The following TRPM3 variants were observed in gnomAD, a reference collection of about 807,000 sequenced individuals.
TRPM3 encodes the protein long transient receptor potential channel 3.
TRPM3 carries 77 observed loss-of-function variants against 181.2 expected under a neutral mutation model. The ratio of observed to expected loss-of-function variants is 0.42; its 90% confidence interval spans 0.35 to 0.51. TRPM3 has a LOEUF of 0.51. Among genes scored for constraint, TRPM3 ranks in the 20% least tolerant of loss-of-function variants. TRPM3 has a pLI of 0.01. For synonymous variants in TRPM3, 745 were observed against 796.4 expected, an observed-to-expected ratio of 0.94 and a Z score of 1.09; for missense variants, 1,759 against 2,196.7, an observed-to-expected ratio of 0.80 and a Z score of 3.98.
At chr9:70,822,268 C>T (rs1208549295) in intron 6 of TRPM3, among the ~76,000 whole-genome samples, 1 of 152,146 alleles carries the variant, frequency 6.6e-6, no homozygotes, top group Non-Finnish European at 1.5e-5. Flanking sequence ...AGAGACTAGT[C>T]CTCAGTCCCT....
chr9:71,415,152 T>C (rs1157416416), intron 1 of TRPM3, among the ~76,000 whole-genome samples: 1 of 151,978 alleles, frequency 6.6e-6, no homozygotes. Flanking sequence ...AGTGGAGTGA[T>C]GCGGCTACAA....
chr9:71,259,873 G>T (rs1356009315), intron 1 of TRPM3, among the ~76,000 whole-genome samples: 1 of 152,088 alleles, frequency 6.6e-6, no homozygotes, highest in Non-Finnish European at 1.5e-5. Context: ...CTGTTGTGCA[G>T]AAGCTCTTTT....
At chr9:70,796,806 G>A (rs772693117) in intron 6 of TRPM3, among the ~76,000 whole-genome samples, 11 of 150,902 alleles carry the variant, frequency 7.3e-5, no homozygotes, top group Non-Finnish European at 1.3e-4. Context: ...TCTACATGTC[G>A]TAGTTGCTCT....
chr9:71,243,890 A>G (rs9785216), intron 1 of TRPM3, among the ~76,000 whole-genome samples: 36,552 of 150,460 alleles, frequency 0.24, 5,095 homozygotes, highest in African/African-American at 0.37. Flanking sequence ...CCCTTGTCAA[A>G]TATACCTCCA....
chr9:70,811,558 T>C (rs922981851), intron 6 of TRPM3, among the ~76,000 whole-genome samples: 2 of 152,228 alleles, frequency 1.3e-5, no homozygotes, highest in African/African-American at 2.4e-5. Context: ...TAAGTGCTTG[T>C]ACTGATGCTT....
Position 70,686,622 on chromosome 9 carries a change from A to C in TRPM3, c.1273-5044T>G, listed in dbSNP as rs1351439876. ...CCTCCCTCCCTCCCGCCCTTCCTGGAAACTCCTTCCTCCCTCACTCCCTCT... is the reference window on the plus strand; with the variant it reads ...CCTCCCTCCCTCCCGCCCTTCCTGGCAACTCCTTCCTCCCTCACTCCCTCT... On this transcript the variant is annotated intron_variant, in intron 8 of 25. Transcript: ENST00000677713. Among the ~76,000 whole-genome samples the C allele has an allele frequency of 8.4e-5, 5 of 59,404 alleles. 1 individual carries two copies. Among genetic ancestry groups the C allele is most frequent in the African/African-American group, 3.5e-4 (5 of 14,092 alleles). The allele number at this position is 59,404 out of a possible 152,430, so 39.0% of individuals were successfully genotyped here. A position where few individuals can be genotyped will look rare whatever the true frequency, so the allele number is the denominator to read the frequency against.
rs1041022452 is a variant in TRPM3, at chr9:70,531,980, T to C, written c.*3973A>G. The C allele has an allele frequency of 1.3e-5, 2 of 152,210 alleles. No homozygotes were observed. Among genetic ancestry groups the C allele is most frequent in the Non-Finnish European group, 2.9e-5 (2 of 68,028 alleles). 9.4% of individuals were successfully genotyped at this position (152,210 alleles called of 1,614,324 possible). A position where few individuals can be genotyped will look rare whatever the true frequency, so the allele number is the denominator to read the frequency against. On this transcript the variant is annotated 3_prime_UTR_variant, in exon 26 of 26. Transcript: ENST00000677713. The stretch of plus-strand genomic sequence containing the variant: ...AATCATTGCAACATGTGTTTCTTTA[T>C]TGAATGTTACAGATTTATAAATGAT...
intron 1 of TRPM3, among the ~76,000 whole-genome samples, chr9:70,914,137 A>G (rs1177332594): frequency 3.9e-5 from 6 of 152,214 alleles, no homozygotes; most frequent in Non-Finnish European, 8.8e-5. Context: ...TATTTAGGTC[A>G]TGAGAGCTCC....
chr9:71,284,037 T>G (rs537854850), intron 1 of TRPM3, among the ~76,000 whole-genome samples: 2 of 152,350 alleles, frequency 1.3e-5, no homozygotes, highest in South Asian at 4.1e-4. Context: ...TTCTGCCACT[T>G]GCTAGCTAAA....
chr9:70,821,102 T>G (rs2093128016), intron 6 of TRPM3, among the ~76,000 whole-genome samples: 1 of 151,354 alleles, frequency 6.6e-6, no homozygotes, highest in Non-Finnish European at 1.5e-5. Flanking sequence ...AATAGTGTAT[T>G]TCTTAATTTT....
intron 7 of TRPM3, among the ~76,000 whole-genome samples, chr9:70,770,267 A>G (rs1404060454): frequency 1.3e-5 from 2 of 152,156 alleles, no homozygotes; most frequent in Admixed American, 1.3e-4. Context: ...ATACTACCTC[A>G]TCCCTCCTTT....
At chr9:71,418,133 T>G (rs958842307) in intron 1 of TRPM3, among the ~76,000 whole-genome samples, 1 of 151,918 alleles carries the variant, frequency 6.6e-6, no homozygotes, top group Admixed American at 6.6e-5. Flanking sequence ...AGCAGCATGA[T>G]GAAACATAAT....
chr9:70,621,272 G>A lies in TRPM3; in HGVS notation c.1811C>T (p.Pro604Leu), dbSNP rs1418934607. Residue 604 changes from proline to leucine, a missense_variant and splice_region_variant, in exon 15 of 26, where the codon CCC becomes CTC. Pro to Leu is a moderately conservative substitution (Grantham distance 98). Around this residue, in one of 8 missense-constraint regions of TRPM3, gnomAD observed 737 missense variants for 957.4 expected, o/e 0.77. Transcript: ENST00000677713. Reference sequence around the variant, plus strand: ...CATTCCCAGCAGTTTCAAGGCTTTGGGCTGTTAAAAAAAACGTTGTGAACA... The same window carrying A: ...CATTCCCAGCAGTTTCAAGGCTTTGAGCTGTTAAAAAAAACGTTGTGAACA... ...LYHNLFGPKR[P>L]KALKLLGMED... The A allele has an allele frequency of 1.3e-6, 2 of 1,598,342 alleles. No homozygotes were observed. The highest frequency in any genetic ancestry group is 1.7e-5 in the Admixed American group (1 of 58,312).
At chr9:70,740,882 A>G (rs1439344791) in intron 8 of TRPM3, among the ~76,000 whole-genome samples, 1 of 152,168 alleles carries the variant, frequency 6.6e-6, no homozygotes. Context: ...CATCGGAAAA[A>G]CCCTTCTAGA....
chr9:71,332,730 A>G (rs1353634443), intron 1 of TRPM3, among the ~76,000 whole-genome samples: 1 of 151,798 alleles, frequency 6.6e-6, no homozygotes, highest in Non-Finnish European at 1.5e-5. Context: ...GATTTCTTAA[A>G]AAGATCAGTG....
At chr9:70,677,316 A>C (rs1480324316) in intron 9 of TRPM3, among the ~76,000 whole-genome samples, 5 of 152,240 alleles carry the variant, frequency 3.3e-5, no homozygotes, top group Non-Finnish European at 7.3e-5. Context: ...GTTGGTATAA[A>C]TATGACTGCA....
intron 1 of TRPM3, among the ~76,000 whole-genome samples, chr9:70,925,996 AC>A (rs373619325): frequency 0.11 from 2,223 of 19,362 alleles, 51 homozygotes; most frequent in African/African-American, 0.3. Flanking sequence ...GCTTGGGAAA[AC>A]AAAAAAAAAA....
chr9:70,693,028 A>G lies in TRPM3; in HGVS notation c.1273-11450T>C, dbSNP rs192376076. Among the ~76,000 whole-genome samples the G allele has an allele frequency of 1.6e-3, 251 of 152,350 alleles. 1 individual carries two copies. The highest frequency in any genetic ancestry group is 5.7e-3 in the African/African-American group (236 of 41,576). On this transcript the variant is annotated intron_variant, in intron 8 of 25. Coordinates refer to ENST00000677713, the MANE Select transcript of TRPM3 (RefSeq NM_001366145.2). ...ACATGTCAGGAGGACAGGAGAAAGC[A>G]GCTCTGCTGATTTTGTGATGAGGGC...
intron 1 of TRPM3, among the ~76,000 whole-genome samples, chr9:71,211,142 G>C (rs1333030955): frequency 3.3e-5 from 5 of 152,048 alleles, no homozygotes; most frequent in African/African-American, 4.8e-5. Context: ...TTAGAAATCA[G>C]ACAGGTAGAA....
Sources: gnomAD v4.1 joint callset for allele counts (sites outside exome capture counted in the v4.1 genomes callset) on GRCh38, gnomAD v4.1.1 for gene constraint, gnomAD v4.1.1 regional missense constraint, MANE v1.5 for transcripts, NCBI Gene and HGNC (gene_info 2026-07-23, HGNC 2026-07-21) for gene names.